SLC2A7: variants seen among roughly 807,000 people sequenced by gnomAD.
SLC2A7 encodes the protein solute carrier family 2 member 7, also known as solute carrier family 2, facilitated glucose transporter member 7.
SLC2A7 carries 50 observed loss-of-function variants against 50.5 expected under a neutral mutation model. That is an observed-to-expected ratio of 0.99 (90% CI 0.79 to 1.25). The LOEUF is 1.25. Among genes scored for constraint, SLC2A7 ranks in the 50% most tolerant of loss-of-function variants. SLC2A7 has a pLI of 0.00. For missense variants in SLC2A7, 683 were observed against 679.1 expected (o/e 1.01, Z -0.06); for synonymous variants, 308 against 300.4 (o/e 1.03, Z -0.26).
At position 9,003,225 on chromosome 1, in the gene SLC2A7, A is replaced by G; in HGVS notation, c.*75T>C. On this transcript the variant is annotated 3_prime_UTR_variant, in exon 12 of 12. Transcript: ENST00000400906. The stretch of plus-strand genomic sequence containing the variant: ...AAGCCTCCGTGCTATTATCCTCCCC[A>G]GAGCCTGGGGCCGGGAGGCCCATTG... 7.0e-7 allele frequency: 1 copy of G among 1,420,758 alleles called. No individual in the cohort carries two copies. Among genetic ancestry groups the G allele is most frequent in the Non-Finnish European group, 9.7e-7 (1 of 1,026,714 alleles). The allele number at this position is 1,420,758 out of a possible 1,614,324, so 88.0% of individuals were successfully genotyped here.
rs1001113747 is a variant in SLC2A7, at chr1:9,008,081, G to A, written c.1117-696C>T. Among the ~76,000 whole-genome samples, 9 of 152,212 alleles carry A rather than the reference G, an allele frequency of 5.9e-5. No individual in the cohort carries two copies. Among genetic ancestry groups the A allele is most frequent in the African/African-American group, 9.6e-5 (4 of 41,540 alleles). On this transcript the variant is annotated intron_variant, in intron 9 of 11. Coordinates refer to ENST00000400906, the MANE Select transcript of SLC2A7 (RefSeq NM_207420.3). This position sits in a 1 kb window ranked among gnomAD's most constrained non-coding sequence, Gnocchi z 5.9. ...GGAGACTCCTAGGACCCCCGGACCC[G>A]TGGAGCTGGCAGACCACCATCTCTG... is the stretch of plus-strand genomic sequence containing the variant.
At chr1:9,016,227 T>C (rs1351224999) in intron 5 of SLC2A7, among the ~76,000 whole-genome samples, 1 of 152,250 alleles carries the variant, frequency 6.6e-6, no homozygotes, top group Non-Finnish European at 1.5e-5. Flanking sequence ...TCTCTGAACC[T>C]CTTCAGGGTA....
chr1:9,024,591 T>A (rs1017863584), intron 2 of SLC2A7, among the ~76,000 whole-genome samples: 9 of 152,280 alleles, frequency 5.9e-5, no homozygotes, highest in African/African-American at 2.2e-4. Flanking sequence ...CTTCTCTTTT[T>A]CCTTTTTTCC....
intron 8 of SLC2A7, among the ~76,000 whole-genome samples, chr1:9,012,579 T>G (rs968077696): frequency 6.6e-6 from 1 of 152,128 alleles, no homozygotes; most frequent in Non-Finnish European, 1.5e-5. Flanking sequence ...TTAAACTAGC[T>G]CTGGGGAAAA....
rs569824193 is a variant in SLC2A7, at chr1:9,023,345, C to T, written c.151-267G>A. On this transcript the variant is annotated intron_variant, in intron 2 of 11. Transcript: ENST00000400906. ...ACTTTTGGCCGGACGCAGTGGCTCACGCCCGTAATCCCGGCACTTTGGGAG... is the reference window on the plus strand; with the variant it reads ...ACTTTTGGCCGGACGCAGTGGCTCATGCCCGTAATCCCGGCACTTTGGGAG... Among the ~76,000 whole-genome samples the T allele has an allele frequency of 7.2e-5, 11 of 152,338 alleles. 1 individual carries two copies. The highest frequency in any genetic ancestry group is 2.1e-4 in the South Asian group (1 of 4,832).
In SLC2A7 at chr1:9,024,689, C is replaced by T. The variant is rs189189095; in HGVS notation, c.150+287G>A. 7.2e-5 allele frequency among the ~76,000 whole-genome samples: 11 copies of T among 152,302 alleles called. No homozygotes were observed. In the East Asian group the frequency reaches 2.1e-3, roughly 29 times the overall value. ...ACAAGGGGCCTACCCAAGGTGAGAG[C>T]AGTGGGACCTGAGGCCCAAAAAGAC... On this transcript the variant is annotated intron_variant, in intron 2 of 11. Coordinates refer to ENST00000400906, the MANE Select transcript of SLC2A7 (RefSeq NM_207420.3).
chr1:9,011,432 T>A (rs1220732618), intron 8 of SLC2A7, among the ~76,000 whole-genome samples: 1 of 152,162 alleles, frequency 6.6e-6, no homozygotes, highest in Non-Finnish European at 1.5e-5. Flanking sequence ...GACAGGAGGA[T>A]TGATTGAGCT....
chr1:9,014,720 G>A lies in SLC2A7; in HGVS notation c.864C>T (p.Ile288=), dbSNP rs556830241. 22 of 1,568,968 alleles carry A rather than the reference G, an allele frequency of 1.4e-5. No homozygotes were observed. Among genetic ancestry groups the A allele is most frequent in the African/African-American group, 9.5e-5 (7 of 73,942 alleles). The part of the protein sequence containing the change: ...RSLRWQLLSI[I]VLMAGQQLSG... ...ACAGCTGCTGGCCGGCCATGAGCAC[G>A]ATGATGGAGAGGAGCTGCCAGCGCA... The change falls in exon 7 of 12, where the codon ATC becomes ATT. Residue 288 remains isoleucine, a synonymous_variant. Transcript: ENST00000400906.
intron 11 of SLC2A7, among the ~76,000 whole-genome samples, chr1:9,004,371 G>C (rs1016478363): frequency 7.5e-5 from 11 of 147,648 alleles, no homozygotes; most frequent in African/African-American, 2.8e-4. Flanking sequence ...TTTGACAGTA[G>C]GGGTTTATGG....
At chr1:8,995,510 G>T in the SLC2A7 span, among the ~76,000 whole-genome samples, 5 of 152,068 alleles carry the variant, frequency 3.3e-5, no homozygotes, top group Admixed American at 3.3e-4. Context: ...ACTTTGGGAT[G>T]CCAAGGTGGG....
chr1:9,016,152 G>A (rs1015231260), intron 5 of SLC2A7, among the ~76,000 whole-genome samples: 2 of 152,184 alleles, frequency 1.3e-5, no homozygotes, highest in South Asian at 2.1e-4. Flanking sequence ...AATACTCAGC[G>A]GCTCTGGGAG....
At chr1:9,011,229 C>T (rs1019121172) in intron 8 of SLC2A7, among the ~76,000 whole-genome samples, 2 of 152,266 alleles carry the variant, frequency 1.3e-5, no homozygotes, top group Non-Finnish European at 2.9e-5. Flanking sequence ...GGGGCTTCCC[C>T]GCAGGCCCGG....
Position 9,004,966 on chromosome 1 carries a change from C to T in SLC2A7, c.1193-87G>A. The T allele has an allele frequency of 2.8e-6, 4 of 1,441,596 alleles. No homozygotes were observed. The South Asian group carries it at 5.5e-5, about 20-fold the overall frequency. The allele number at this position is 1,441,596 out of a possible 1,614,324, so 89.3% of individuals were successfully genotyped here. On this transcript the variant is annotated intron_variant, in intron 10 of 11. Transcript: ENST00000400906. Reference sequence around the variant, plus strand: ...GGACGCGGCCCACTCTAGCCTCTGACCTAGGACCCTCAAGAGTACCAGCTG... The same window carrying T: ...GGACGCGGCCCACTCTAGCCTCTGATCTAGGACCCTCAAGAGTACCAGCTG...
chr1:9,004,685 G>C (rs564393386), intron 11 of SLC2A7, 67 bp downstream of exon 11: 20 of 1,576,248 alleles, frequency 1.3e-5, no homozygotes, highest in Non-Finnish European at 1.6e-5. Flanking sequence ...TGTGCTTAGC[G>C]GAAGGGGAAT....
intron 2 of SLC2A7, 77 bp downstream of exon 2, chr1:9,024,899 G>A (rs2124270017): frequency 6.6e-7 from 1 of 1,516,852 alleles, no homozygotes; most frequent in East Asian, 2.3e-5. Flanking sequence ...CCTCCACGGA[G>A]GAAGATGGCG....
At chr1:9,018,129 T>G in intron 5 of SLC2A7, 94 bp downstream of exon 5, 2 of 1,527,472 alleles carry the variant, frequency 1.3e-6, no homozygotes, top group Admixed American at 3.6e-5. Flanking sequence ...CCTAAAATCA[T>G]CTCTCGGGTC....
chr1:9,021,381 C>T (rs576610130), intron 3 of SLC2A7, among the ~76,000 whole-genome samples: 1 of 152,242 alleles, frequency 6.6e-6, no homozygotes, highest in Admixed American at 6.5e-5. Context: ...CCCTACAGGT[C>T]TGGGGGTGAT....
intron 3 of SLC2A7, among the ~76,000 whole-genome samples, chr1:9,020,808 A>G (rs1208006534): frequency 6.6e-6 from 1 of 151,524 alleles, no homozygotes; most frequent in East Asian, 2.0e-4. Context: ...AAATTCCCAC[A>G]TGTGTGGGAG....
chr1:8,994,327 G>T, the SLC2A7 span, among the ~76,000 whole-genome samples: 1 of 152,166 alleles, frequency 6.6e-6, no homozygotes, highest in African/African-American at 2.4e-5. Flanking sequence ...AATGATTAGT[G>T]AATCTGTGTA....
Sources: allele counts gnomAD v4.1 joint callset (sites outside exome capture counted in the v4.1 genomes callset), GRCh38; gene constraint gnomAD v4.1.1; non-coding constraint Gnocchi (gnomAD v3.1); transcripts MANE v1.5; gene names NCBI Gene and HGNC (gene_info 2026-07-23, HGNC 2026-07-21).